Variants in ERBB4 observed in about 807,000 individuals in gnomAD.
ERBB4 encodes erb-b2 receptor tyrosine kinase 4, also known as receptor tyrosine-protein kinase erbB-4.
ERBB4 carries 42 observed loss-of-function variants against 158.0 expected under a neutral mutation model. The observed-to-expected ratio is 0.27, with a 90% CI of 0.21 to 0.34. ERBB4 has a LOEUF of 0.34. Ranked by LOEUF, ERBB4 falls within the 10% of genes least tolerant of loss-of-function variation. ERBB4 has a pLI of 1.00. For synonymous variants in ERBB4, 583 were observed against 558.7 expected (o/e 1.04, Z -0.61); for missense variants, 1,333 against 1,624.1 (o/e 0.82, Z 3.08).
chr2:211,869,230 A>G (rs2078282909), intron 3 of ERBB4, among the ~76,000 whole-genome samples: 1 of 152,228 alleles, frequency 6.6e-6, no homozygotes, highest in Non-Finnish European at 1.5e-5. Flanking sequence ...CTGAAGCCAG[A>G]TGGCCTGCAG....
intron 20 of ERBB4, among the ~76,000 whole-genome samples, chr2:211,445,949 G>C (rs971929179): frequency 2.0e-5 from 3 of 152,190 alleles, no homozygotes; most frequent in African/African-American, 7.2e-5. Flanking sequence ...AAATGTTCAT[G>C]TAAGGAGGCA....
chr2:211,480,733 G>A (rs4439896), intron 20 of ERBB4, among the ~76,000 whole-genome samples: 101,825 of 152,008 alleles, frequency 0.67, 36,665 homozygotes, highest in South Asian at 0.83. Flanking sequence ...CTCATTAGGC[G>A]TCACAGTTTT....
At chr2:211,670,788 A>C (rs2071808456) in intron 14 of ERBB4, among the ~76,000 whole-genome samples, 1 of 152,238 alleles carries the variant, frequency 6.6e-6, no homozygotes. Context: ...AAAGGCCCTC[A>C]GTAATGTATG....
chr2:212,505,073 CTTTTGT>C (rs139393557), intron 1 of ERBB4, among the ~76,000 whole-genome samples: 3,280 of 152,038 alleles, frequency 0.022, 95 homozygotes, highest in South Asian at 0.079. Flanking sequence ...CTTACTCTTG[CTTTTGT>C]TTTTGTTTCT....
chr2:212,185,085 A>G (rs1379910341), intron 1 of ERBB4, among the ~76,000 whole-genome samples: 2 of 149,360 alleles, frequency 1.3e-5, no homozygotes, highest in Non-Finnish European at 3.0e-5. Context: ...TAGTGGCACA[A>G]TCTTGGCTCA....
At chr2:211,933,664 T>C (rs1211181973) in intron 3 of ERBB4, among the ~76,000 whole-genome samples, 1 of 152,024 alleles carries the variant, frequency 6.6e-6, no homozygotes, top group Non-Finnish European at 1.5e-5. Flanking sequence ...TGGAATAATA[T>C]AGTTGAAAAA....
At chr2:212,139,372 A>G (rs2080371587) in intron 1 of ERBB4, among the ~76,000 whole-genome samples, 1 of 152,072 alleles carries the variant, frequency 6.6e-6, no homozygotes, top group African/African-American at 2.4e-5. Flanking sequence ...TTTTTATGCT[A>G]CAGTGTTAAC....
intron 1 of ERBB4, among the ~76,000 whole-genome samples, chr2:212,533,550 G>A (rs1456976366): frequency 6.6e-6 from 1 of 152,058 alleles, no homozygotes; most frequent in East Asian, 1.9e-4. Context: ...CTCAAATTAT[G>A]TTGAAGACAT....
chr2:211,861,360 T>TG lies in ERBB4; in HGVS notation c.422-73202_422-73201insC, dbSNP rs1342720583. ...TTTTGTTTTTTTTTTGTTTTTTTTTTTTTTTTTTTACTTTTAGCAGAGAAG... is the reference window on the plus strand; with the variant it reads ...TTTTGTTTTTTTTTTGTTTTTTTTTTGTTTTTTTTTACTTTTAGCAGAGAAG... On this transcript the variant is annotated intron_variant, in intron 3 of 27. Transcript: ENST00000342788. Among the ~76,000 whole-genome samples, 8 of 132,196 alleles carry TG rather than the reference T, an allele frequency of 6.1e-5. 1 individual carries two copies. The highest frequency in any genetic ancestry group is 2.2e-4 in the South Asian group (1 of 4,454). 86.7% of individuals were successfully genotyped at this position (132,196 alleles called of 152,430 possible).
chr2:212,413,169 G>A (rs910834107), intron 1 of ERBB4, among the ~76,000 whole-genome samples: 3 of 97,298 alleles, frequency 3.1e-5, no homozygotes, highest in African/African-American at 4.2e-5. Context: ...TGTATTTTTC[G>A]TAGAGACGGG....
chr2:212,405,517 A>G (rs1470208054), intron 1 of ERBB4, among the ~76,000 whole-genome samples: 1 of 152,116 alleles, frequency 6.6e-6, no homozygotes, highest in Non-Finnish European at 1.5e-5. Flanking sequence ...TCATTCTACC[A>G]TAAAGACACA....
chr2:211,710,590 T>C (rs1311070034), intron 9 of ERBB4, among the ~76,000 whole-genome samples: 1 of 152,158 alleles, frequency 6.6e-6, no homozygotes, highest in Admixed American at 6.5e-5. Flanking sequence ...CTGATTTGCT[T>C]TGGCTATGTC....
chr2:211,718,231 AC>A (rs1423935258), intron 7 of ERBB4, among the ~76,000 whole-genome samples: 2 of 152,128 alleles, frequency 1.3e-5, no homozygotes, highest in Non-Finnish European at 2.9e-5. Flanking sequence ...AATTTTTATA[AC>A]CCACATCTTA....
chr2:212,251,598 A>T (rs2084535664), intron 1 of ERBB4, among the ~76,000 whole-genome samples: 1 of 152,008 alleles, frequency 6.6e-6, no homozygotes, highest in African/African-American at 2.4e-5. Flanking sequence ...TGAGAGAGGA[A>T]GCCATGCAGA....
chr2:212,221,466 A>C (rs2083288083), intron 1 of ERBB4, among the ~76,000 whole-genome samples: 1 of 151,564 alleles, frequency 6.6e-6, no homozygotes, highest in East Asian at 1.9e-4. Context: ...GTATGGCAGC[A>C]GTCAGGTTTG....
At chr2:211,797,450 A>G (rs182606847) in intron 3 of ERBB4, among the ~76,000 whole-genome samples, 20 of 152,076 alleles carry the variant, frequency 1.3e-4, no homozygotes, top group African/African-American at 4.8e-4. Flanking sequence ...GAATACTTCA[A>G]AAAAGTATGA....
chr2:212,188,412 C>T (rs1297744516), intron 1 of ERBB4, among the ~76,000 whole-genome samples: 2 of 151,566 alleles, frequency 1.3e-5, no homozygotes. Flanking sequence ...CCCTCTCCCA[C>T]CCGACCTCCT....
Position 211,797,683 on chromosome 2 carries a change from C to T in ERBB4, c.422-9524G>A, listed in dbSNP as rs527492209. 6.7e-4 allele frequency among the ~76,000 whole-genome samples: 102 copies of T among 151,686 alleles called. No individual in the cohort carries two copies. In the South Asian group the frequency reaches 0.014, roughly 21 times the overall value. ...GGGCTAGAAGTCTCAGCTAAAATGC[C>T]TAGAATGTTAATTTTAAAAATAACA... is the stretch of plus-strand genomic sequence containing the variant. On this transcript the variant is annotated intron_variant, in intron 3 of 27. Coordinates refer to ENST00000342788, the MANE Select transcript of ERBB4 (RefSeq NM_005235.3).
At chr2:211,601,099 T>A (rs946883279) in intron 19 of ERBB4, among the ~76,000 whole-genome samples, 1 of 151,752 alleles carries the variant, frequency 6.6e-6, no homozygotes, top group Non-Finnish European at 1.5e-5. Flanking sequence ...CTAAAACATA[T>A]GAAAAAATAT....
Sources: gnomAD v4.1 joint callset for allele counts (sites outside exome capture counted in the v4.1 genomes callset) on GRCh38, gnomAD v4.1.1 for gene constraint, MANE v1.5 for transcripts, NCBI Gene and HGNC (gene_info 2026-07-23, HGNC 2026-07-21) for gene names.